Variants in MOB1A observed in about 807,000 individuals in gnomAD.
The protein encoded by MOB1A is MOB kinase activator 1A, also known as MOB1 Mps One Binder homolog A.
Under a neutral mutation model 25.1 loss-of-function variants are expected in MOB1A, and 10 were observed. The observed-to-expected ratio is 0.40, with a 90% CI of 0.25 to 0.68. The LOEUF (loss-of-function observed/expected upper bound fraction) is 0.68, where lower values mean the gene tolerates loss of function less well. MOB1A is among the 30% of genes least tolerant of loss of function. MOB1A has a pLI of 0.40. For missense variants in MOB1A, 177 were observed against 256.3 expected, an observed-to-expected ratio of 0.69 and a Z score of 2.11; for synonymous variants, 81 against 79.5, an observed-to-expected ratio of 1.02 and a Z score of -0.10.
intron 4 of MOB1A, among the ~76,000 whole-genome samples, chr2:74,159,722 C>T (rs1454466175): frequency 6.6e-6 from 1 of 152,120 alleles, no homozygotes; most frequent in Non-Finnish European, 1.5e-5. Flanking sequence ...AAGTACCACA[C>T]TTTTTTCTGA....
At position 74,178,679 on chromosome 2, in the gene MOB1A, G is replaced by C. The variant is rs1572971505; in HGVS notation, c.-5C>G. 6 of 1,344,126 alleles carry C rather than the reference G, an allele frequency of 4.5e-6. No homozygotes were observed. The Middle Eastern group carries it at 6.3e-4, about 140-fold the overall frequency. The allele number at this position is 1,344,126 out of a possible 1,614,324, so 83.3% of individuals were successfully genotyped here. A position where few individuals can be genotyped will look rare whatever the true frequency, so the allele number is the denominator to read the frequency against. On this transcript the variant is annotated 5_prime_UTR_variant, in exon 1 of 6. Transcript: ENST00000396049. ...CACTCACAAGAGGAAGCTCATCTTC[G>C]GTCCTCAGAGGGGAGGCGAGGGGCC...
chr2:74,176,218 G>C (rs1301223282), intron 1 of MOB1A, among the ~76,000 whole-genome samples: 15 of 139,130 alleles, frequency 1.1e-4, no homozygotes, highest in Admixed American at 9.8e-4. Context: ...AGAGGTTGCA[G>C]TGAGCTGAGA....
intron 4 of MOB1A, among the ~76,000 whole-genome samples, chr2:74,162,906 T>C (rs1261518812): frequency 2.0e-5 from 3 of 152,196 alleles, no homozygotes; most frequent in Non-Finnish European, 2.9e-5. Flanking sequence ...TATTAAAAAA[T>C]GGAGAAAACC....
At chr2:74,170,784 G>A (rs963060161) in intron 2 of MOB1A, among the ~76,000 whole-genome samples, 5 of 150,950 alleles carry the variant, frequency 3.3e-5, no homozygotes, top group Admixed American at 2.0e-4. Context: ...CCAGCTACTC[G>A]GACGGGTGAG....
At chr2:74,159,487 A>T (rs1472663305) in intron 4 of MOB1A, among the ~76,000 whole-genome samples, 1 of 152,040 alleles carries the variant, frequency 6.6e-6, no homozygotes, top group Non-Finnish European at 1.5e-5. Flanking sequence ...GGGTTTTGCC[A>T]TGTTGCCCAG....
intron 1 of MOB1A, among the ~76,000 whole-genome samples, chr2:74,173,766 C>G (rs558681897): frequency 6.9e-6 from 1 of 145,510 alleles, no homozygotes. Context: ...CTGGCTAACA[C>G]GGTGAAACCC....
chr2:74,159,962 G>A (rs1046744990), intron 4 of MOB1A, among the ~76,000 whole-genome samples: 4 of 151,828 alleles, frequency 2.6e-5, no homozygotes, highest in African/African-American at 7.3e-5. Flanking sequence ...GACTACAGGC[G>A]TGCACTACTA....
At chr2:74,176,837 T>C (rs1693487592) in intron 1 of MOB1A, among the ~76,000 whole-genome samples, 2 of 151,750 alleles carry the variant, frequency 1.3e-5, no homozygotes, top group South Asian at 2.1e-4. Flanking sequence ...AGAGTACTTA[T>C]GGGAATGTAA....
At chr2:74,176,464 C>T (rs1215717318) in intron 1 of MOB1A, among the ~76,000 whole-genome samples, 2 of 150,500 alleles carry the variant, frequency 1.3e-5, no homozygotes, top group Non-Finnish European at 3.0e-5. Flanking sequence ...AAAAGACAGC[C>T]CAATTTAAAA....
chr2:74,163,263 G>C (rs1226642867), intron 4 of MOB1A, among the ~76,000 whole-genome samples: 1 of 152,124 alleles, frequency 6.6e-6, no homozygotes, highest in Non-Finnish European at 1.5e-5. Context: ...TGACACAGTT[G>C]TATACTTTAA....
chr2:74,160,107 G>C (rs908328075), intron 4 of MOB1A, among the ~76,000 whole-genome samples: 1 of 152,166 alleles, frequency 6.6e-6, no homozygotes, highest in African/African-American at 2.4e-5. Flanking sequence ...TTTAATATTA[G>C]AGAGTTTCTT....
chr2:74,161,635 T>C (rs1017008111), intron 4 of MOB1A, among the ~76,000 whole-genome samples: 2 of 137,486 alleles, frequency 1.5e-5, no homozygotes, highest in Non-Finnish European at 3.1e-5. Flanking sequence ...GGCAACAGAG[T>C]GAGACTCCGC....
chr2:74,156,346 G>C lies in MOB1A; in HGVS notation c.*222C>G. On this transcript the variant is annotated 3_prime_UTR_variant, in exon 6 of 6. Transcript: ENST00000396049. The stretch of plus-strand genomic sequence containing the variant: ...AAGTATGACTATGTGATAACAACAA[G>C]AGTGGTCACACAGTACTTAAGATTT... 2 of 530,112 alleles carry C rather than the reference G, an allele frequency of 3.8e-6. No homozygotes were observed. The highest frequency in any genetic ancestry group is 2.4e-5 in the South Asian group (1 of 42,502). 32.8% of individuals were successfully genotyped at this position (530,112 alleles called of 1,614,324 possible). A position where few individuals can be genotyped will look rare whatever the true frequency, so the allele number is the denominator to read the frequency against.
rs1022997864 is a variant in MOB1A, at chr2:74,153,112, G to C, written c.*3456C>G. The C allele has an allele frequency of 6.6e-6, 1 of 152,164 alleles. No homozygotes were observed. The highest frequency in any genetic ancestry group is 1.5e-5 in the Non-Finnish European group (1 of 68,046). The allele number at this position is 152,164 out of a possible 1,614,324, so 9.4% of individuals were successfully genotyped here. On this transcript the variant is annotated 3_prime_UTR_variant, in exon 6 of 6. Coordinates refer to ENST00000396049, the MANE Select transcript of MOB1A (RefSeq NM_018221.5). Reference sequence around the variant, plus strand: ...GGGAAATAATGTGCCTGTTGAAGGGGCTCAGTGTTTGGTGTCCAGGCTGGC... The same window carrying C: ...GGGAAATAATGTGCCTGTTGAAGGGCCTCAGTGTTTGGTGTCCAGGCTGGC...
At chr2:74,158,672 G>A (rs1692872204) in intron 5 of MOB1A, among the ~76,000 whole-genome samples, 2 of 151,596 alleles carry the variant, frequency 1.3e-5, no homozygotes, top group South Asian at 2.1e-4. Flanking sequence ...ACAGCTATTC[G>A]GGAGGCCGAG....
intron 4 of MOB1A, among the ~76,000 whole-genome samples, chr2:74,161,143 T>C (rs1692959644): frequency 6.6e-6 from 1 of 152,192 alleles, no homozygotes; most frequent in Non-Finnish European, 1.5e-5. Context: ...CATTCTTTTT[T>C]TCAATTTTTC....
chr2:74,166,972 TA>T, intron 3 of MOB1A, 41 bp downstream of exon 3: 1 of 1,384,686 alleles, frequency 7.2e-7, no homozygotes, highest in Non-Finnish European at 1.0e-6. Context: ...GGTGATAAAG[TA>T]AAACTAATCC....
chr2:74,173,948 CAAAAAAA>C (rs773447145), intron 1 of MOB1A, among the ~76,000 whole-genome samples: 47 of 56,202 alleles, frequency 8.4e-4, no homozygotes, highest in Non-Finnish European at 1.5e-3. Context: ...AACTCCGTCT[CAAAAAAA>C]AAAAAAAAAA....
At chr2:74,170,934 T>C (rs905885628) in intron 2 of MOB1A, among the ~76,000 whole-genome samples, 1 of 151,766 alleles carries the variant, frequency 6.6e-6, no homozygotes, top group South Asian at 2.1e-4. Flanking sequence ...ACAGGCCTCT[T>C]TGGATCCTGA....
Sources: gnomAD v4.1 joint callset for allele counts (sites outside exome capture counted in the v4.1 genomes callset) on GRCh38, gnomAD v4.1.1 for gene constraint, MANE v1.5 for transcripts, NCBI Gene and HGNC (gene_info 2026-07-23, HGNC 2026-07-21) for gene names.